LRMDA: variants seen among roughly 807,000 people sequenced by gnomAD.
LRMDA encodes the protein leucine-rich melanocyte differentiation-associated protein.
Under a neutral mutation model 29.8 loss-of-function variants are expected in LRMDA, and 18 were observed. The observed-to-expected ratio is 0.60, with a 90% CI of 0.42 to 0.90. LRMDA has a LOEUF of 0.90. Among genes scored for constraint, LRMDA ranks in the 40% least tolerant of loss-of-function variants. The pLI is 0.00. For synonymous variants in LRMDA, 125 were observed against 109.4 expected (o/e 1.14, Z -0.89); for missense variants, 273 against 273.9 (o/e 1.00, Z 0.02).
chr10:75,763,604 T>G (rs1843124056), intron 2 of LRMDA, among the ~76,000 whole-genome samples: 1 of 152,202 alleles, frequency 6.6e-6, no homozygotes, highest in Non-Finnish European at 1.5e-5. Flanking sequence ...GTTTACGAGT[T>G]GAGTAAACAA....
At chr10:75,554,659 C>T (rs775674918) in intron 2 of LRMDA, among the ~76,000 whole-genome samples, 4 of 152,074 alleles carry the variant, frequency 2.6e-5, no homozygotes, top group East Asian at 1.9e-4. Context: ...TGTTTAAAGA[C>T]GTTGAAAGTG....
intron 2 of LRMDA, among the ~76,000 whole-genome samples, chr10:75,634,154 CTT>C (rs1374458103): frequency 6.6e-6 from 1 of 152,182 alleles, no homozygotes; most frequent in African/African-American, 2.4e-5. Flanking sequence ...GATACAGACT[CTT>C]TACCTCAAAT....
intron 2 of LRMDA, among the ~76,000 whole-genome samples, chr10:76,015,002 T>C (rs1409150973): frequency 1.3e-5 from 2 of 152,350 alleles, no homozygotes; most frequent in South Asian, 2.1e-4. Flanking sequence ...TATGTAAATG[T>C]AAAGCAACTG....
chr10:75,805,409 G>C lies in LRMDA; in HGVS notation c.132-230599G>C, dbSNP rs544961200. 2.0e-5 allele frequency among the ~76,000 whole-genome samples: 3 copies of C among 152,340 alleles called. No individual in the cohort carries two copies. In the South Asian group the frequency reaches 6.2e-4, roughly 32 times the overall value. Reference sequence around the variant, plus strand: ...GGCACTGAAGGAACCTTGGAGGTTAGAATATGTTAGCGAGATATTTAATGA... The same window carrying C: ...GGCACTGAAGGAACCTTGGAGGTTACAATATGTTAGCGAGATATTTAATGA... On this transcript the variant is annotated intron_variant, in intron 2 of 6. Coordinates refer to ENST00000611255, the MANE Select transcript of LRMDA (RefSeq NM_001305581.2).
chr10:76,143,625 T>C (rs1430132444), intron 5 of LRMDA, among the ~76,000 whole-genome samples: 1 of 152,202 alleles, frequency 6.6e-6, no homozygotes, highest in Admixed American at 6.5e-5. Context: ...GCAAAAATTT[T>C]CTCCCATTCT....
At chr10:75,944,443 T>C (rs1473794768) in intron 2 of LRMDA, among the ~76,000 whole-genome samples, 1 of 152,078 alleles carries the variant, frequency 6.6e-6, no homozygotes, top group African/African-American at 2.4e-5. Flanking sequence ...TTAAGCTTTT[T>C]GTTTTTACCA....
intron 5 of LRMDA, among the ~76,000 whole-genome samples, chr10:76,215,482 G>A (rs973141468): frequency 1.3e-5 from 2 of 152,030 alleles, no homozygotes; most frequent in African/African-American, 4.8e-5. Context: ...GCAGGTGTTG[G>A]CACAGGAGAT....
At chr10:76,119,565 G>T (rs576716623) in intron 5 of LRMDA, among the ~76,000 whole-genome samples, 1 of 152,250 alleles carries the variant, frequency 6.6e-6, no homozygotes, top group Admixed American at 6.5e-5. Flanking sequence ...TGTCAAATGG[G>T]CATGCTAATC....
Position 75,628,942 on chromosome 10 carries a change from T to C in LRMDA, c.131+190448T>C, listed in dbSNP as rs534449236. On this transcript the variant is annotated intron_variant, in intron 2 of 6. Transcript: ENST00000611255. ...GCCAGCAGCCTCCTCATTGCCCAAA[T>C]AGCCATGGACCCCAAGATGGGTTAA... Among the ~76,000 whole-genome samples the C allele has an allele frequency of 3.9e-5, 6 of 152,334 alleles. No homozygotes were observed. In the South Asian group the frequency reaches 1.0e-3, roughly 26 times the overall value.
chr10:76,459,376 C>G (rs1395270751), intron 6 of LRMDA, among the ~76,000 whole-genome samples: 1 of 152,142 alleles, frequency 6.6e-6, no homozygotes, highest in African/African-American at 2.4e-5. Flanking sequence ...AAGGAACTTT[C>G]TCCGTCACTT....
At chr10:76,068,199 G>C (rs1350825891) in intron 5 of LRMDA, among the ~76,000 whole-genome samples, 1 of 152,212 alleles carries the variant, frequency 6.6e-6, no homozygotes, top group East Asian at 1.9e-4. Context: ...GGTAATAGCA[G>C]ATAAGAAGAG....
At chr10:76,481,502 C>T (rs1357513169) in intron 6 of LRMDA, among the ~76,000 whole-genome samples, 4 of 151,858 alleles carry the variant, frequency 2.6e-5, no homozygotes, top group Non-Finnish European at 2.9e-5. Flanking sequence ...GAAAACTTTC[C>T]TCCTTCTAGT....
intron 2 of LRMDA, among the ~76,000 whole-genome samples, chr10:75,927,382 C>T (rs930271298): frequency 6.6e-6 from 1 of 152,154 alleles, no homozygotes; most frequent in African/African-American, 2.4e-5. Context: ...TTCACTTGTT[C>T]GTTCCATCAT....
intron 2 of LRMDA, among the ~76,000 whole-genome samples, chr10:75,980,362 G>C (rs148312076): frequency 8.5e-5 from 13 of 152,328 alleles, no homozygotes; most frequent in Admixed American, 7.8e-4. Flanking sequence ...GTGTCTGGCA[G>C]ATGGAGAGCA....
intron 2 of LRMDA, among the ~76,000 whole-genome samples, chr10:75,919,722 A>G (rs890328612): frequency 1.3e-5 from 2 of 152,118 alleles, no homozygotes; most frequent in African/African-American, 4.8e-5. Flanking sequence ...GGTTAAGAGA[A>G]TTGAAACTGC....
At chr10:76,116,439 C>A (rs983118887) in intron 5 of LRMDA, among the ~76,000 whole-genome samples, 1 of 152,130 alleles carries the variant, frequency 6.6e-6, no homozygotes, top group African/African-American at 2.4e-5. Flanking sequence ...ATGACTTGCC[C>A]AGTGGAAGTC....
At chr10:75,667,482 T>C (rs1049286733) in intron 2 of LRMDA, among the ~76,000 whole-genome samples, 1 of 152,208 alleles carries the variant, frequency 6.6e-6, no homozygotes, top group African/African-American at 2.4e-5. Context: ...AAATTATTTT[T>C]AGAGACAGGG....
At chr10:76,178,469 A>G (rs73286912) in intron 5 of LRMDA, among the ~76,000 whole-genome samples, 3,500 of 152,292 alleles carry the variant, frequency 0.023, 127 homozygotes, top group African/African-American at 0.075. Flanking sequence ...CCATGTTTTG[A>G]GGAAAAGTGG....
intron 2 of LRMDA, among the ~76,000 whole-genome samples, chr10:75,703,903 A>G (rs1185880377): frequency 6.6e-6 from 1 of 152,194 alleles, no homozygotes; most frequent in Non-Finnish European, 1.5e-5. Context: ...CTTTTATTGA[A>G]AGACAATTTA....
Sources: gnomAD v4.1 joint callset for allele counts (sites outside exome capture counted in the v4.1 genomes callset) on GRCh38, gnomAD v4.1.1 for gene constraint, MANE v1.5 for transcripts, NCBI Gene and HGNC (gene_info 2026-07-23, HGNC 2026-07-21) for gene names.